Variants in FBXO41 observed in about 807,000 individuals in gnomAD.
FBXO41 encodes F-box only protein 41.
A neutral mutation model predicts 81.6 loss-of-function variants in FBXO41; 33 were observed. The ratio of observed to expected loss-of-function variants is 0.40; its 90% confidence interval spans 0.31 to 0.54. The LOEUF is 0.54. Among genes scored for constraint, FBXO41 ranks in the 20% least tolerant of loss-of-function variants. The pLI is 0.39. For missense variants in FBXO41, 1,107 were observed against 1,236.0 expected (o/e 0.90, Z 1.56); for synonymous variants, 576 against 552.7 (o/e 1.04, Z -0.59).
Position 73,259,288 on chromosome 2 carries a change from G to A in FBXO41, c.2458C>T (p.Arg820Trp), listed in dbSNP as rs1404062385. 8.7e-6 allele frequency: 14 copies of A among 1,613,880 alleles called. No individual in the cohort carries two copies. Among genetic ancestry groups the A allele is most frequent in the Admixed American group, 6.7e-5 (4 of 60,014 alleles). ...TGGACCACAATGGACTTGAGGTTCC[G>A]GCAGATGCCTGAGAAAAGGTGAGCA... The part of the protein sequence containing the change: ...KALLHFNSIC[R>W]NLKSIVVQIG... The change falls in exon 12 of 13, where the codon CGG (arginine) becomes TGG (tryptophan). Residue 820 changes from arginine (R) to tryptophan (W), a missense_variant. Arg to Trp is a moderately radical substitution (Grantham distance 101). Transcript: ENST00000520530. The surrounding 1 kb of genome is among the most constrained non-coding windows in gnomAD (Gnocchi z 4.2).
rs1264411375 is a variant in FBXO41 at position 73,269,641 on chromosome 2, C to A, written c.-11G>T. ...GTCCAGCGAGGCCATGGCCCCGCCG[C>A]CCCCGCGGCACGCGGGCTCCACCGC... On this transcript the variant is annotated 5_prime_UTR_variant, in exon 2 of 13. Coordinates refer to ENST00000520530, the MANE Select transcript of FBXO41 (RefSeq NM_001371389.2). This position sits in a 1 kb window ranked among gnomAD's most constrained non-coding sequence, Gnocchi z 7.0. 5 of 1,183,778 alleles carry A rather than the reference C, an allele frequency of 4.2e-6. No individual in the cohort carries two copies. The highest frequency in any genetic ancestry group is 4.2e-6 in the Non-Finnish European group (4 of 957,906). The allele number at this position is 1,183,778 out of a possible 1,614,324, so 73.3% of individuals were successfully genotyped here.
At chr2:73,261,513 C>A (rs1688020669) in intron 9 of FBXO41, among the ~76,000 whole-genome samples, 1 of 152,190 alleles carries the variant, frequency 6.6e-6, no homozygotes, top group Non-Finnish European at 1.5e-5. Context: ...AAGTCAACAA[C>A]AACTGAGCTA....
At chr2:73,278,905 A>G (rs775861874) in intron 1 of FBXO41, among the ~76,000 whole-genome samples, 25 of 152,226 alleles carry the variant, frequency 1.6e-4, no homozygotes, top group Non-Finnish European at 3.5e-4. Context: ...TGTTTCTCCA[A>G]CACTTCTAAC....
In FBXO41 at chr2:73,259,008, G is replaced by A. The variant is rs755445450; in HGVS notation, c.2602C>T (p.His868Tyr). Residue 868 changes from histidine to tyrosine, a missense_variant, in exon 13 of 13, where the codon CAC becomes TAC. Physicochemically the swap from His to Tyr is moderately conservative, Grantham distance 83. Around this residue, in one of 2 missense-constraint regions of FBXO41, gnomAD observed 336 missense variants for 446.7 expected, o/e 0.75. Transcript: ENST00000520530. The surrounding 1 kb of genome is among the most constrained non-coding windows in gnomAD (Gnocchi z 4.2). ...RRRPGFSKILHIKVEGGC is the reference protein window; with the variant it reads ...RRRPGFSKILYIKVEGGC Reference sequence around the variant, plus strand: ...TAGCAGCCGCCTTCCACCTTGATGTGCAGAATCTTAGAGAAGCCGGGCCTC... The same window carrying A: ...TAGCAGCCGCCTTCCACCTTGATGTACAGAATCTTAGAGAAGCCGGGCCTC... 15 of 1,594,932 alleles carry A rather than the reference G, an allele frequency of 9.4e-6. No homozygotes were observed. Among genetic ancestry groups the A allele is most frequent in the Non-Finnish European group, 1.2e-5 (14 of 1,170,970 alleles).
Position 73,260,572 on chromosome 2 carries a change from C to T in FBXO41, c.2291-25G>A. ...GCTAGGAAGAGGAAGAAGGGGGATCCTGCTGACACACTCCCCAGGTCACCC... is the reference window on the plus strand; with the variant it reads ...GCTAGGAAGAGGAAGAAGGGGGATCTTGCTGACACACTCCCCAGGTCACCC... On this transcript the variant is annotated intron_variant, in intron 10 of 12. Coordinates refer to ENST00000520530, the MANE Select transcript of FBXO41 (RefSeq NM_001371389.2). The surrounding 1 kb of genome is among the most constrained non-coding windows in gnomAD (Gnocchi z 5.0). 6.4e-7 allele frequency: 1 copy of T among 1,569,812 alleles called. No homozygotes were observed.
rs1281061372 is a variant in FBXO41, at chr2:73,269,955, A to G, written c.-138-187T>C. ...GTATGTGTGCAAGAGACAGCGAGAG[A>G]ATGAGATAATCTGTTTTTAAAGGGG... On this transcript the variant is annotated intron_variant, in intron 1 of 12. Transcript: ENST00000520530. The surrounding 1 kb of genome is among the most constrained non-coding windows in gnomAD (Gnocchi z 7.0). 1.3e-5 allele frequency among the ~76,000 whole-genome samples: 2 copies of G among 152,136 alleles called. No homozygotes were observed. Among genetic ancestry groups the G allele is most frequent in the African/African-American group, 4.8e-5 (2 of 41,440 alleles).
In FBXO41 at chr2:73,266,323, G is replaced by A; in HGVS notation, c.1131+134C>T. 1 of 1,090,534 alleles carries A rather than the reference G, an allele frequency of 9.2e-7. No individual in the cohort carries two copies. Among genetic ancestry groups the A allele is most frequent in the South Asian group, 1.7e-5 (1 of 57,848 alleles). The allele number at this position is 1,090,534 out of a possible 1,614,324, so 67.6% of individuals were successfully genotyped here. On this transcript the variant is annotated intron_variant, in intron 3 of 12. Coordinates refer to ENST00000520530, the MANE Select transcript of FBXO41 (RefSeq NM_001371389.2). This position sits in a 1 kb window ranked among gnomAD's most constrained non-coding sequence, Gnocchi z 5.3. ...CAATCAAAGGGGCTCCCCTGTTCCTGGCATCTGCTGGTGGGGTAAAAGCCA... is the reference window on the plus strand; with the variant it reads ...CAATCAAAGGGGCTCCCCTGTTCCTAGCATCTGCTGGTGGGGTAAAAGCCA...
intron 4 of FBXO41, 102 bp from the exon 5 acceptor site, chr2:73,265,742 G>A: frequency 7.0e-7 from 1 of 1,430,980 alleles, no homozygotes; most frequent in East Asian, 2.5e-5. Flanking sequence ...CACCCGCCCT[G>A]CTTTCCAAAA....
In FBXO41 at chr2:73,258,147, G is replaced by A. The variant is rs1269621012; in HGVS notation, c.*835C>T. ...ACTGTGACAGGGCTGCCTGGGGCTGGGACCTTGACCCTCTGGAGGGTCCCT... is the reference window on the plus strand; with the variant it reads ...ACTGTGACAGGGCTGCCTGGGGCTGAGACCTTGACCCTCTGGAGGGTCCCT... On this transcript the variant is annotated 3_prime_UTR_variant, in exon 13 of 13. Coordinates refer to ENST00000520530, the MANE Select transcript of FBXO41 (RefSeq NM_001371389.2). 1 of 152,252 alleles carries A rather than the reference G, an allele frequency of 6.6e-6. No homozygotes were observed. Among genetic ancestry groups the A allele is most frequent in the Admixed American group, 6.5e-5 (1 of 15,288 alleles). 9.4% of individuals were successfully genotyped at this position (152,252 alleles called of 1,614,324 possible). A position where few individuals can be genotyped will look rare whatever the true frequency, so the allele number is the denominator to read the frequency against.
intron 2 of FBXO41, among the ~76,000 whole-genome samples, chr2:73,267,538 T>C (rs1688314596): frequency 6.6e-6 from 1 of 152,384 alleles, no homozygotes; most frequent in Middle Eastern, 3.4e-3. Context: ...TGCCAGGCAC[T>C]GTTCTAGGTA....
chr2:73,269,457 G>T lies in FBXO41; in HGVS notation c.174C>A (p.Ala58=). ...CDGAAAAAAA[A]AAASGFPLAP... is the part of the protein sequence containing the mutation. The stretch of plus-strand genomic sequence containing the variant: ...CCAGCGGGAACCCCGAGGCAGCGGC[G>T]GCGGCGGCCGCGGCGGCGGCGGCGC... The change falls in exon 2 of 13, where the codon GCC becomes GCA. Residue 58 remains alanine, a synonymous_variant. Coordinates refer to ENST00000520530, the MANE Select transcript of FBXO41 (RefSeq NM_001371389.2). This position sits in a 1 kb window ranked among gnomAD's most constrained non-coding sequence, Gnocchi z 7.0. The T allele has an allele frequency of 1.6e-6, 2 of 1,271,096 alleles. No individual in the cohort carries two copies. Among genetic ancestry groups the T allele is most frequent in the Non-Finnish European group, 2.0e-6 (2 of 1,009,216 alleles). 78.7% of individuals were successfully genotyped at this position (1,271,096 alleles called of 1,614,324 possible).
At chr2:73,277,199 C>T (rs991816687) in intron 1 of FBXO41, among the ~76,000 whole-genome samples, 1 of 152,206 alleles carries the variant, frequency 6.6e-6, no homozygotes, top group Non-Finnish European at 1.5e-5. Flanking sequence ...GGTGCCTCTT[C>T]ACCCCAGGCC....
Position 73,265,558 on chromosome 2 carries a change from C to T in FBXO41, c.1288G>A (p.Gly430Arg), listed in dbSNP as rs1453182461. ...DSLELPRPEE[G>R]APEDSGPGGL... is the part of the protein sequence containing the mutation. ...CCAGGGCCACTGTCCTCAGGGGCCC[C>T]CTCCTCTGGCCTGGGCAGCTCCAGA... Residue 430 changes from glycine (G) to arginine (R), a missense_variant, in exon 5 of 13, where the codon GGG (glycine) becomes AGG (arginine). Gly to Arg is a moderately radical substitution (Grantham distance 125). Coordinates refer to ENST00000520530, the MANE Select transcript of FBXO41 (RefSeq NM_001371389.2). The T allele has an allele frequency of 2.5e-6, 4 of 1,574,978 alleles. No homozygotes were observed. The highest frequency in any genetic ancestry group is 2.3e-5 in the East Asian group (1 of 44,416).
At chr2:73,276,201 G>A (rs1688676260) in intron 1 of FBXO41, among the ~76,000 whole-genome samples, 1 of 151,258 alleles carries the variant, frequency 6.6e-6, no homozygotes, top group Non-Finnish European at 1.5e-5. Context: ...CCTGAGGTCA[G>A]GAGTTCGAGA....
In FBXO41 at chr2:73,269,325, C is replaced by T; in HGVS notation, c.306G>A (p.Ala102=). ...GATGGTGGTGGTGCAGCAGGTGCGG[C>T]GCCGCGGGCGACGGCCCGGCCGCCT... ...KEQAAGPSPA[A]PHLLHHHHHH... The change falls in exon 2 of 13, where the codon GCG becomes GCA. Residue 102 remains alanine, a synonymous_variant. Coordinates refer to ENST00000520530, the MANE Select transcript of FBXO41 (RefSeq NM_001371389.2). This position sits in a 1 kb window ranked among gnomAD's most constrained non-coding sequence, Gnocchi z 7.0. 1 of 1,524,016 alleles carries T rather than the reference C, an allele frequency of 6.6e-7. No individual in the cohort carries two copies. Among genetic ancestry groups the T allele is most frequent in the South Asian group, 1.2e-5 (1 of 82,580 alleles). 94.4% of individuals were successfully genotyped at this position (1,524,016 alleles called of 1,614,324 possible).
intron 4 of FBXO41, 31 bp from the exon 5 acceptor site, chr2:73,265,671 T>TAAGAGGC (rs990256687): frequency 1.4e-6 from 2 of 1,474,334 alleles, no homozygotes; most frequent in Non-Finnish European, 1.8e-6. Context: ...CAGTAAGGGG[T>TAAGAGGC]AAGAGGCACC....
In FBXO41 at chr2:73,266,347, C is replaced by G; in HGVS notation, c.1131+110G>C. ...TGGCATCTGCTGGTGGGGTAAAAGC[C>G]AAAGAAGGGGCGAATGCGGCATCAT... On this transcript the variant is annotated intron_variant, in intron 3 of 12. Transcript: ENST00000520530. The surrounding 1 kb of genome is among the most constrained non-coding windows in gnomAD (Gnocchi z 5.3). 3 of 1,314,876 alleles carry G rather than the reference C, an allele frequency of 2.3e-6. No homozygotes were observed. The highest frequency in any genetic ancestry group is 1.0e-6 in the Non-Finnish European group (1 of 982,076). The allele number at this position is 1,314,876 out of a possible 1,614,324, so 81.5% of individuals were successfully genotyped here.
chr2:73,265,917 C>A lies in FBXO41; in HGVS notation c.1181G>T (p.Arg394Leu). Residue 394 changes from arginine (R) to leucine (L), a missense_variant, in exon 4 of 13, where the codon CGG becomes CTG. Coordinates refer to ENST00000520530, the MANE Select transcript of FBXO41 (RefSeq NM_001371389.2). ...CCCTGTGCTCGGAGAGGAGCCATGC[C>A]GTGACACTGCATATGTGTTAGGCAC... The part of the protein sequence containing the change: ...PAVPNTYAVS[R>L]HGSSPSTGAS... The A allele has an allele frequency of 6.3e-7, 1 of 1,587,314 alleles. No individual in the cohort carries two copies. Among genetic ancestry groups the A allele is most frequent in the East Asian group, 2.3e-5 (1 of 43,604 alleles).
intron 8 of FBXO41, 72 bp downstream of exon 8, chr2:73,263,606 T>C (rs1688103709): frequency 6.4e-7 from 1 of 1,572,666 alleles, no homozygotes; most frequent in African/African-American, 1.3e-5. Flanking sequence ...GGGGAGGCTA[T>C]GCAGCACCTA....
Sources: allele counts gnomAD v4.1 joint callset (sites outside exome capture counted in the v4.1 genomes callset), GRCh38; gene constraint gnomAD v4.1.1; regional missense constraint gnomAD v4.1.1; non-coding constraint Gnocchi (gnomAD v3.1); transcripts MANE v1.5; gene names NCBI Gene and HGNC (gene_info 2026-07-23, HGNC 2026-07-21).